Variants in NIM1K observed in about 807,000 individuals in gnomAD.
NIM1K encodes the protein serine/threonine-protein kinase NIM1.
Under a neutral mutation model 37.1 loss-of-function variants are expected in NIM1K, and 35 were observed. That is an observed-to-expected ratio of 0.94 (90% CI 0.72 to 1.25). The LOEUF (loss-of-function observed/expected upper bound fraction) is 1.25, where lower values mean the gene tolerates loss of function less well. Ranked by LOEUF, NIM1K falls within the 50% of genes most tolerant of loss-of-function variation. The probability of loss-of-function intolerance (pLI) is 0.00; values close to 1 mark genes in which losing one functional copy is unlikely to be tolerated. For synonymous variants in NIM1K, 234 were observed against 206.6 expected, an observed-to-expected ratio of 1.13 and a Z score of -1.14; for missense variants, 564 against 548.0, an observed-to-expected ratio of 1.03 and a Z score of -0.29.
intron 2 of NIM1K, among the ~76,000 whole-genome samples, chr5:43,274,355 G>C (rs886085747): frequency 3.3e-5 from 5 of 152,054 alleles, no homozygotes; most frequent in East Asian, 1.9e-4. Flanking sequence ...AGGGAGGATG[G>C]GGCAGCAGAG....
chr5:43,209,460 TG>T (rs1361999749), intron 1 of NIM1K, among the ~76,000 whole-genome samples: 5 of 152,132 alleles, frequency 3.3e-5, no homozygotes, highest in Admixed American at 2.6e-4. Context: ...TTTTTTTGTT[TG>T]GTTGCTTTTA....
At chr5:43,232,533 C>A in intron 1 of NIM1K, 1 of 1,576,274 alleles carries the variant, frequency 6.3e-7, no homozygotes, top group Non-Finnish European at 8.7e-7. Flanking sequence ...AGGTTCTATG[C>A]CAGATATCAT....
chr5:43,266,661 A>G (rs1013857942), intron 2 of NIM1K, among the ~76,000 whole-genome samples: 1 of 152,180 alleles, frequency 6.6e-6, no homozygotes, highest in Non-Finnish European at 1.5e-5. Flanking sequence ...GCGGTACCTC[A>G]GTTGGAAATG....
Position 43,276,909 on chromosome 5 carries a change from G to A in NIM1K, c.293-148G>A, listed in dbSNP as rs1211598330. On this transcript the variant is annotated intron_variant, in intron 2 of 3. Transcript: ENST00000326035. ...GGAAGGGCACTGATGCTGGGCTTAA[G>A]CATTGCTTTGTCATTCCCTGATGAG... is the stretch of plus-strand genomic sequence containing the variant. 3 of 773,456 alleles carry A rather than the reference G, an allele frequency of 3.9e-6. No homozygotes were observed. In the East Asian group the frequency reaches 7.4e-5, roughly 19 times the overall value. The allele number at this position is 773,456 out of a possible 1,614,324, so 47.9% of individuals were successfully genotyped here. A position where few individuals can be genotyped will look rare whatever the true frequency, so the allele number is the denominator to read the frequency against.
chr5:43,209,750 C>T (rs1752176955), intron 1 of NIM1K, among the ~76,000 whole-genome samples: 1 of 152,016 alleles, frequency 6.6e-6, no homozygotes, highest in Non-Finnish European at 1.5e-5. Context: ...TCCAGAGTAG[C>T]TGGGATTATA....
intron 1 of NIM1K, among the ~76,000 whole-genome samples, chr5:43,242,558 T>C (rs1579975465): frequency 1.3e-5 from 2 of 151,922 alleles, no homozygotes; most frequent in East Asian, 3.9e-4. Context: ...CCAGGAATTC[T>C]AATAGCTAGT....
At chr5:43,276,083 T>C (rs6895805) in intron 2 of NIM1K, among the ~76,000 whole-genome samples, 93,196 of 151,698 alleles carry the variant, frequency 0.61, 30,357 homozygotes, top group African/African-American at 0.83. Flanking sequence ...TTAGTAGAGA[T>C]AGGGTTTCAC....
At chr5:43,213,208 TCTTTCTTTC>T (rs1752237257) in intron 1 of NIM1K, among the ~76,000 whole-genome samples, 4 of 61,346 alleles carry the variant, frequency 6.5e-5, no homozygotes, top group African/African-American at 9.6e-5. Context: ...TTTCTTTCTT[TCTTTCTTTC>T]TTTCTTTCCT....
chr5:43,199,458 G>A lies in NIM1K; in HGVS notation c.-695+7047G>A, dbSNP rs181618084. On this transcript the variant is annotated intron_variant, in intron 1 of 3. Transcript: ENST00000326035. ...GAGCTTTGTTTTAGCTGCCATCAGA[G>A]ACCTAGTTTATTCCTATCTTTCTGT... Among the ~76,000 whole-genome samples the A allele has an allele frequency of 1.8e-3, 270 of 152,018 alleles. 2 individuals are homozygous for A. Among genetic ancestry groups the A allele is most frequent in the Non-Finnish European group, 2.6e-3 (177 of 67,972 alleles).
Position 43,280,819 on chromosome 5 carries a change from A to G in NIM1K, c.*90A>G. The stretch of plus-strand genomic sequence containing the variant: ...CAACTTGAGTGGAGACATTTTTGTA[A>G]TTTTTAAATAAACTTAAATTTGAGA... On this transcript the variant is annotated 3_prime_UTR_variant, in exon 4 of 4. Transcript: ENST00000326035. 1 of 1,242,988 alleles carries G rather than the reference A, an allele frequency of 8.0e-7. No homozygotes were observed. The highest frequency in any genetic ancestry group is 1.1e-6 in the Non-Finnish European group (1 of 912,386). The allele number at this position is 1,242,988 out of a possible 1,614,324, so 77.0% of individuals were successfully genotyped here. A position where few individuals can be genotyped will look rare whatever the true frequency, so the allele number is the denominator to read the frequency against.
intron 1 of NIM1K, chr5:43,232,912 A>AG: frequency 8.7e-7 from 1 of 1,155,656 alleles, no homozygotes; most frequent in Non-Finnish European, 1.3e-6. Context: ...CTCAGGGTGG[A>AG]AGAGCTGGTT....
Position 43,277,112 on chromosome 5 carries a change from G to C in NIM1K, c.348G>C (p.Arg116Ser). Reference protein sequence around the residue: ...DKTKLDQKTQRLLSREISSME... With the variant: ...DKTKLDQKTQSLLSREISSME... ...CCAAGTTAGACCAGAAAACCCAGAG[G>C]CTACTATCCCGAGAAATCTCCAGCA... The change falls in exon 3 of 4, where the codon AGG (arginine) becomes AGC (serine). Residue 116 changes from arginine (R) to serine (S), a missense_variant. Physicochemically the swap from Arg to Ser is moderately radical, Grantham distance 110. Transcript: ENST00000326035. The C allele has an allele frequency of 6.2e-7, 1 of 1,614,068 alleles. No homozygotes were observed. The highest frequency in any genetic ancestry group is 8.5e-7 in the Non-Finnish European group (1 of 1,179,976).
At chr5:43,232,651 G>A in intron 1 of NIM1K, 1 of 1,548,154 alleles carries the variant, frequency 6.5e-7, no homozygotes, top group Non-Finnish European at 8.7e-7. Flanking sequence ...AACCTGGGGT[G>A]GTGAGTAAAT....
intron 1 of NIM1K, among the ~76,000 whole-genome samples, chr5:43,215,748 T>C (rs1011175943): frequency 1.3e-5 from 2 of 152,232 alleles, no homozygotes; most frequent in African/African-American, 4.8e-5. Context: ...CTTTTCCTTT[T>C]AACAAGCAGT....
At chr5:43,201,687 G>A (rs559736894) in intron 1 of NIM1K, among the ~76,000 whole-genome samples, 11 of 151,782 alleles carry the variant, frequency 7.2e-5, no homozygotes, top group Admixed American at 5.2e-4. Flanking sequence ...CTGACCGGGC[G>A]TGGTGGTTCA....
chr5:43,271,857 C>T (rs1433796918), intron 2 of NIM1K, among the ~76,000 whole-genome samples: 1 of 152,200 alleles, frequency 6.6e-6, no homozygotes, highest in Non-Finnish European at 1.5e-5. Flanking sequence ...TCCTGCCAGC[C>T]ACTAATCCGT....
chr5:43,220,425 A>AC (rs1752364905), intron 1 of NIM1K, among the ~76,000 whole-genome samples: 1 of 151,524 alleles, frequency 6.6e-6, no homozygotes, highest in Non-Finnish European at 1.5e-5. Context: ...AGCTGAGATT[A>AC]CAGGTGGGCA....
At chr5:43,232,947 A>C (rs941365792) in intron 1 of NIM1K, 13 of 1,130,476 alleles carry the variant, frequency 1.1e-5, no homozygotes, top group Non-Finnish European at 1.8e-5. Context: ...AAACTTCATC[A>C]TCAATTACCA....
intron 2 of NIM1K, among the ~76,000 whole-genome samples, chr5:43,273,970 G>C (rs1753299734): frequency 6.6e-6 from 1 of 152,174 alleles, no homozygotes; most frequent in African/African-American, 2.4e-5. Flanking sequence ...TATTGAAAGA[G>C]CAGATTTAGA....
Sources: allele counts gnomAD v4.1 joint callset (sites outside exome capture counted in the v4.1 genomes callset), GRCh38; gene constraint gnomAD v4.1.1; transcripts MANE v1.5; gene names NCBI Gene and HGNC (gene_info 2026-07-23, HGNC 2026-07-21).